HSD17B11: variants seen among roughly 807,000 people sequenced by gnomAD.
HSD17B11 encodes hydroxysteroid 17-beta dehydrogenase 11, also known as estradiol 17-beta-dehydrogenase 11.
HSD17B11 carries 22 observed loss-of-function variants against 27.8 expected under a neutral mutation model. The observed-to-expected ratio is 0.79, with a 90% CI of 0.56 to 1.13. The LOEUF (loss-of-function observed/expected upper bound fraction) is 1.13. HSD17B11 is among the 50% of genes most tolerant of loss of function. The pLI is 0.00. For synonymous variants in HSD17B11, 117 were observed against 132.8 expected, an observed-to-expected ratio of 0.88 and a Z score of 0.82; for missense variants, 314 against 351.1, an observed-to-expected ratio of 0.89 and a Z score of 0.84.
intron 2 of HSD17B11, among the ~76,000 whole-genome samples, chr4:87,379,528 T>C (rs1720070956): frequency 6.8e-6 from 1 of 146,806 alleles, no homozygotes; most frequent in African/African-American, 2.5e-5. Context: ...TGTACATATA[T>C]ACATATACAG....
Position 87,372,696 on chromosome 4 carries a change from CAT to C in HSD17B11, c.557+11_557+12del. 1 of 1,516,124 alleles carries C rather than the reference CAT, an allele frequency of 6.6e-7. No homozygotes were observed. Among genetic ancestry groups the C allele is most frequent in the Non-Finnish European group, 9.2e-7 (1 of 1,091,238 alleles). The allele number at this position is 1,516,124 out of a possible 1,614,324, so 93.9% of individuals were successfully genotyped here. ...GGCATAAGAACCAATGAAGGAAACA[CAT>C]GTTCACATACCAGTAAGCCAGTAAG... On this transcript the variant is annotated intron_variant, in intron 4 of 6. Coordinates refer to ENST00000358290, the MANE Select transcript of HSD17B11 (RefSeq NM_016245.5).
intron 4 of HSD17B11, among the ~76,000 whole-genome samples, chr4:87,371,182 G>A (rs901772581): frequency 1.3e-5 from 2 of 152,052 alleles, no homozygotes. Flanking sequence ...TATGTCATTC[G>A]TAAATAATAT....
At chr4:87,339,083 A>C (rs919914432) in intron 6 of HSD17B11, among the ~76,000 whole-genome samples, 1 of 152,198 alleles carries the variant, frequency 6.6e-6, no homozygotes, top group Non-Finnish European at 1.5e-5. Flanking sequence ...TGGTGCCTCT[A>C]ATGTGTCAGT....
At chr4:87,387,275 A>G (rs1578049449) in intron 1 of HSD17B11, 1 of 152,264 alleles carries the variant, frequency 6.6e-6, no homozygotes, top group Non-Finnish European at 1.5e-5. Flanking sequence ...TTAGTGGAAC[A>G]ACAAAGCTGA....
At chr4:87,361,485 C>T (rs1264371914) in intron 4 of HSD17B11, among the ~76,000 whole-genome samples, 2 of 152,142 alleles carry the variant, frequency 1.3e-5, no homozygotes, top group South Asian at 4.1e-4. Flanking sequence ...AACTTGCTTT[C>T]GGCCGGGCAT....
chr4:87,388,326 A>T (rs1720372170), intron 1 of HSD17B11, among the ~76,000 whole-genome samples: 1 of 152,220 alleles, frequency 6.6e-6, no homozygotes, highest in African/African-American at 2.4e-5. Flanking sequence ...TTCCACTCAC[A>T]GTGCATCTCA....
At chr4:87,378,173 G>A (rs1284745015) in intron 2 of HSD17B11, among the ~76,000 whole-genome samples, 3 of 152,168 alleles carry the variant, frequency 2.0e-5, no homozygotes, top group Non-Finnish European at 4.4e-5. Context: ...ATTTACGTTA[G>A]TAAAGTGTCA....
chr4:87,359,030 G>T (rs139603576), intron 4 of HSD17B11, among the ~76,000 whole-genome samples: 2 of 152,268 alleles, frequency 1.3e-5, no homozygotes, highest in East Asian at 3.9e-4. Context: ...GTGTTTGGCA[G>T]TTCGTCTCTT....
Position 87,372,761 on chromosome 4 carries a change from T to G in HSD17B11, c.505A>C (p.Thr169Pro). 6.2e-7 allele frequency: 1 copy of G among 1,613,918 alleles called. No individual in the cohort carries two copies. Among genetic ancestry groups the G allele is most frequent in the Non-Finnish European group, 8.5e-7 (1 of 1,179,830 alleles). Residue 169 changes from threonine to proline, a missense_variant, in exon 4 of 7, where the codon ACT becomes CCT. Transcript: ENST00000358290. Reference sequence around the variant, plus strand: ...ACATGTCCAGCTGCCGAAGCCACAGTGACAATATGGCCATGGTTATTCTTC... The same window carrying G: ...ACATGTCCAGCTGCCGAAGCCACAGGGACAATATGGCCATGGTTATTCTTC... ...MTKNNHGHIV[T>P]VASAAGHVSV... is the part of the protein sequence containing the mutation.
At chr4:87,343,772 T>C (rs1434346027) in intron 5 of HSD17B11, among the ~76,000 whole-genome samples, 1 of 152,160 alleles carries the variant, frequency 6.6e-6, no homozygotes, top group Non-Finnish European at 1.5e-5. Context: ...GGTCTCGAAC[T>C]CCTGATCTCA....
rs530471960 is a variant in HSD17B11 at position 87,358,062 on chromosome 4, C to T, written c.558-646G>A. Among the ~76,000 whole-genome samples the T allele has an allele frequency of 9.0e-4, 133 of 147,016 alleles. 1 individual carries two copies. In the South Asian group the frequency reaches 0.027, roughly 30 times the overall value. ...CTGCAAGCTCCGCCTCCCGGGTTCC[C>T]GCCATTCTCCTGCCTCAGCCTCCGC... is the stretch of plus-strand genomic sequence containing the variant. On this transcript the variant is annotated intron_variant, in intron 4 of 6. Transcript: ENST00000358290.
intron 4 of HSD17B11, among the ~76,000 whole-genome samples, chr4:87,366,952 T>G (rs186458357): frequency 6.2e-4 from 94 of 152,308 alleles, no homozygotes; most frequent in African/African-American, 2.1e-3. Context: ...TTGCTTAAAA[T>G]ATTGCTGATC....
At chr4:87,339,624 T>A (rs555944761) in intron 6 of HSD17B11, among the ~76,000 whole-genome samples, 1 of 152,204 alleles carries the variant, frequency 6.6e-6, no homozygotes, top group Non-Finnish European at 1.5e-5. Context: ...CCCCTCCTTA[T>A]GTGGCCAGCC....
chr4:87,374,861 C>A, intron 2 of HSD17B11, 31 bp from the exon 3 acceptor site: 2 of 1,501,920 alleles, frequency 1.3e-6, no homozygotes, highest in South Asian at 2.4e-5. Flanking sequence ...AAAGTAAATT[C>A]ATTAAGAGGT....
chr4:87,341,865 C>G lies in HSD17B11; in HGVS notation c.696-1259G>C, dbSNP rs550766399. Among the ~76,000 whole-genome samples, 12 of 148,846 alleles carry G rather than the reference C, an allele frequency of 8.1e-5. No homozygotes were observed. The East Asian group carries it at 2.6e-3, about 32-fold the overall frequency. On this transcript the variant is annotated intron_variant, in intron 5 of 6. Transcript: ENST00000358290. ...TGGACAACAGAGCTAGACCCTGTCT[C>G]TAAATAAATAAATAGATAGATAAGT...
chr4:87,353,819 T>C (rs924556793), intron 5 of HSD17B11, among the ~76,000 whole-genome samples: 4 of 152,186 alleles, frequency 2.6e-5, no homozygotes, highest in African/African-American at 9.7e-5. Context: ...ACTTTAAAAC[T>C]TGACTCAAAT....
chr4:87,365,061 C>G (rs756452970), intron 4 of HSD17B11, among the ~76,000 whole-genome samples: 1 of 152,086 alleles, frequency 6.6e-6, no homozygotes, highest in African/African-American at 2.4e-5. Flanking sequence ...CCCAGCTACG[C>G]GGGAGGCTGA....
intron 6 of HSD17B11, 61 bp from the exon 7 acceptor site, chr4:87,337,427 C>A: frequency 1.1e-6 from 1 of 930,066 alleles, no homozygotes; most frequent in South Asian, 1.4e-5. Context: ...TGTAGAATAC[C>A]CTCTTTAGAA....
chr4:87,369,839 A>G (rs1294387330), intron 4 of HSD17B11, among the ~76,000 whole-genome samples: 3 of 152,206 alleles, frequency 2.0e-5, no homozygotes, highest in African/African-American at 7.2e-5. Context: ...TAAATTGGCT[A>G]TTTGGGTTGA....
Sources: allele counts gnomAD v4.1 joint callset (sites outside exome capture counted in the v4.1 genomes callset), GRCh38; gene constraint gnomAD v4.1.1; transcripts MANE v1.5; gene names NCBI Gene and HGNC (gene_info 2026-07-23, HGNC 2026-07-21).